The following METAP1D variants were observed in gnomAD, a reference collection of about 807,000 sequenced individuals.
METAP1D encodes the protein methionine aminopeptidase 1D, mitochondrial.
METAP1D carries 31 observed loss-of-function variants against 40.5 expected under a neutral mutation model. The ratio of observed to expected loss-of-function variants is 0.77; its 90% CI spans 0.58 to 1.03. The LOEUF (loss-of-function observed/expected upper bound fraction) is 1.03. Among genes scored for constraint, METAP1D ranks in the 50% least tolerant of loss-of-function variants. The pLI, the probability that METAP1D is intolerant of heterozygous loss-of-function variation, is 0.00. For missense variants in METAP1D, 411 were observed against 420.7 expected, an observed-to-expected ratio of 0.98 and a Z score of 0.20; for synonymous variants, 151 against 146.4, an observed-to-expected ratio of 1.03 and a Z score of -0.22.
chr2:172,071,218 G>T (rs1690415553), intron 6 of METAP1D, 148 bp downstream of exon 6: 2 of 560,192 alleles, frequency 3.6e-6, no homozygotes, highest in Non-Finnish European at 2.6e-6. Flanking sequence ...CTGCAATATT[G>T]TTCCCTGAGT....
chr2:172,001,523 G>A (rs1688462451), intron 1 of METAP1D, among the ~76,000 whole-genome samples: 1 of 151,680 alleles, frequency 6.6e-6, no homozygotes, highest in Non-Finnish European at 1.5e-5. Flanking sequence ...GGGCGACAGA[G>A]CGAGACTCCG....
chr2:172,080,657 C>T lies in METAP1D; in HGVS notation c.*251C>T. On this transcript the variant is annotated 3_prime_UTR_variant, in exon 10 of 10. Coordinates refer to ENST00000315796, the MANE Select transcript of METAP1D (RefSeq NM_199227.3). ...ACTCGGTTTCCCAGCGCGGTCAACG[C>T]ATCTGGAGGGGACTGGAGGAAACCC... 1 of 594,122 alleles carries T rather than the reference C, an allele frequency of 1.7e-6. No individual in the cohort carries two copies. The highest frequency in any genetic ancestry group is 3.0e-6 in the Non-Finnish European group (1 of 334,802). The allele number at this position is 594,122 out of a possible 1,614,324, so 36.8% of individuals were successfully genotyped here. A position where few individuals can be genotyped will look rare whatever the true frequency, so the allele number is the denominator to read the frequency against.
intron 1 of METAP1D, among the ~76,000 whole-genome samples, chr2:172,052,872 C>T (rs190495105): frequency 2.0e-5 from 3 of 152,250 alleles, no homozygotes; most frequent in Non-Finnish European, 1.5e-5. Flanking sequence ...TTTAGCTTTG[C>T]CCAATCAGTA....
intron 1 of METAP1D, among the ~76,000 whole-genome samples, chr2:172,031,730 G>C (rs941822173): frequency 1.3e-5 from 2 of 152,174 alleles, no homozygotes; most frequent in Non-Finnish European, 2.9e-5. Flanking sequence ...CTGAGTGTCT[G>C]AAAGAAAAGG....
chr2:172,053,144 C>T (rs1689925406), intron 1 of METAP1D, among the ~76,000 whole-genome samples: 1 of 152,196 alleles, frequency 6.6e-6, no homozygotes, highest in Admixed American at 6.5e-5. Flanking sequence ...TGAAACATGT[C>T]AAGCAATCAG....
intron 1 of METAP1D, among the ~76,000 whole-genome samples, chr2:172,055,381 A>T (rs1689980821): frequency 1.3e-5 from 2 of 152,244 alleles, no homozygotes; most frequent in African/African-American, 2.4e-5. Flanking sequence ...TTCTACATTG[A>T]TCTACATTAG....
chr2:172,051,409 G>T (rs1207523142), intron 1 of METAP1D, among the ~76,000 whole-genome samples: 1 of 152,152 alleles, frequency 6.6e-6, no homozygotes, highest in Non-Finnish European at 1.5e-5. Context: ...CTGTGTGCTG[G>T]TGGTGTACAT....
At chr2:172,080,106 G>A in intron 8 of METAP1D, 22 bp from the exon 9 acceptor site, 1 of 1,599,208 alleles carries the variant, frequency 6.3e-7, no homozygotes, top group Non-Finnish European at 8.6e-7. Flanking sequence ...GGTCACTGCA[G>A]TAAATATTTT....
chr2:172,047,779 G>C (rs1241328826), intron 1 of METAP1D, among the ~76,000 whole-genome samples: 1 of 152,154 alleles, frequency 6.6e-6, no homozygotes, highest in Non-Finnish European at 1.5e-5. Context: ...GTTTGTGATA[G>C]TACACTTTAC....
intron 1 of METAP1D, among the ~76,000 whole-genome samples, chr2:172,047,227 A>C (rs1274457780): frequency 6.6e-6 from 1 of 151,940 alleles, no homozygotes; most frequent in Non-Finnish European, 1.5e-5. Context: ...ACTGTTTAAT[A>C]AACAGGAATT....
chr2:172,004,365 C>G (rs1430574263), intron 1 of METAP1D, among the ~76,000 whole-genome samples: 1 of 151,490 alleles, frequency 6.6e-6, no homozygotes, highest in African/African-American at 2.4e-5. Flanking sequence ...GCTCTGTTGC[C>G]CAGGCTGGAA....
At chr2:172,015,543 T>G (rs1048907725) in intron 1 of METAP1D, among the ~76,000 whole-genome samples, 1 of 152,220 alleles carries the variant, frequency 6.6e-6, no homozygotes, top group Non-Finnish European at 1.5e-5. Context: ...GAGAAATGAT[T>G]CAGTAAATTA....
At chr2:172,065,820 T>C (rs879377702) in intron 4 of METAP1D, 68 bp downstream of exon 4, 36 of 1,491,636 alleles carry the variant, frequency 2.4e-5, no homozygotes, top group African/African-American at 4.2e-5. Flanking sequence ...CTGTAACATA[T>C]GTTGAAAGAC....
At chr2:172,024,532 A>G (rs560878331) in intron 1 of METAP1D, among the ~76,000 whole-genome samples, 64 of 152,164 alleles carry the variant, frequency 4.2e-4, no homozygotes, top group African/African-American at 1.5e-3. Context: ...CAGAACCCTA[A>G]CCATGAAAAA....
At chr2:172,079,290 T>A (rs71415273) in intron 8 of METAP1D, 28 bp downstream of exon 8, 37,935 of 1,612,414 alleles carry the variant, frequency 0.024, 531 homozygotes, top group Middle Eastern at 0.047. Flanking sequence ...TCCGAGTGAG[T>A]GCGTAGCTCC....
intron 6 of METAP1D, among the ~76,000 whole-genome samples, chr2:172,072,708 CT>C (rs1690452899): frequency 1.3e-5 from 2 of 151,874 alleles, no homozygotes; most frequent in African/African-American, 4.8e-5. Context: ...TCTGTACTTT[CT>C]TGTTAAAGTA....
intron 1 of METAP1D, among the ~76,000 whole-genome samples, chr2:172,032,111 C>A (rs544667615): frequency 6.6e-6 from 1 of 152,240 alleles, no homozygotes; most frequent in South Asian, 2.1e-4. Flanking sequence ...TTTTGGGTTT[C>A]CTTCTTAAAG....
At position 172,042,702 on chromosome 2, in the gene METAP1D, C is replaced by CAT. The variant is rs1299914217; in HGVS notation, c.41-18796_41-18795insAT. Among the ~76,000 whole-genome samples, 11 of 9,276 alleles carry CAT rather than the reference C, an allele frequency of 1.2e-3. 5 individuals carry two copies. The highest frequency in any genetic ancestry group is 3.3e-3 in the Admixed American group (2 of 598). 6.1% of individuals were successfully genotyped at this position (9,276 alleles called of 152,430 possible). On this transcript the variant is annotated intron_variant, in intron 1 of 9. Transcript: ENST00000315796. ...GTATGTGTATATGTGTACACATATACGTGTGTGTGTGTATATGTGTACACA... is the reference window on the plus strand; with the variant it reads ...GTATGTGTATATGTGTACACATATACATGTGTGTGTGTGTATATGTGTACACA...
At chr2:172,059,877 C>T (rs1182341003) in intron 1 of METAP1D, among the ~76,000 whole-genome samples, 1 of 151,802 alleles carries the variant, frequency 6.6e-6, no homozygotes, top group Non-Finnish European at 1.5e-5. Context: ...GGTGAAACCC[C>T]GTCTCTACTA....
Sources: allele counts gnomAD v4.1 joint callset (sites outside exome capture counted in the v4.1 genomes callset), GRCh38; gene constraint gnomAD v4.1.1; transcripts MANE v1.5; gene names NCBI Gene and HGNC (gene_info 2026-07-23, HGNC 2026-07-21).